IL18RAP: variants seen among roughly 807,000 people sequenced by gnomAD.
IL18RAP encodes the protein interleukin-18 receptor accessory protein.
A neutral mutation model predicts 58.1 loss-of-function variants in IL18RAP; 37 were observed. The ratio of observed to expected loss-of-function variants is 0.64; its 90% CI spans 0.49 to 0.84. The LOEUF (loss-of-function observed/expected upper bound fraction) is 0.84, where lower values mean the gene tolerates loss of function less well. IL18RAP is among the 40% of genes least tolerant of loss of function. The pLI is 0.00. For missense variants in IL18RAP, 667 were observed against 704.8 expected (o/e 0.95, Z 0.61); for synonymous variants, 268 against 257.5 (o/e 1.04, Z -0.39).
chr2:102,434,522 T>G (rs1241453586), intron 3 of IL18RAP: 1 of 152,194 alleles, frequency 6.6e-6, no homozygotes, highest in East Asian at 1.9e-4. Flanking sequence ...CAACATGGTA[T>G]GTTCTCCCTC....
intron 1 of IL18RAP, among the ~76,000 whole-genome samples, 183 bp from the exon 2 acceptor site, chr2:102,423,628 A>G (rs1681725085): frequency 6.6e-6 from 1 of 152,182 alleles, no homozygotes; most frequent in Admixed American, 6.5e-5. Flanking sequence ...TGCTGCTGGT[A>G]TGCTGGAGTC....
At chr2:102,426,110 C>A (rs1681920741) in intron 3 of IL18RAP, among the ~76,000 whole-genome samples, 2 of 152,060 alleles carry the variant, frequency 1.3e-5, no homozygotes, top group Non-Finnish European at 2.9e-5. Flanking sequence ...AAATCACAGA[C>A]CTTATGGCAG....
intron 3 of IL18RAP, among the ~76,000 whole-genome samples, chr2:102,429,050 C>T (rs1203539824): frequency 6.6e-6 from 1 of 151,776 alleles, no homozygotes; most frequent in African/African-American, 2.4e-5. Flanking sequence ...GGGATAAATC[C>T]CACTTGACCA....
chr2:102,447,845 C>A (rs976189816), intron 8 of IL18RAP, among the ~76,000 whole-genome samples: 1 of 152,110 alleles, frequency 6.6e-6, no homozygotes. Context: ...ATTCTCCTAC[C>A]TCAGCCTCCT....
chr2:102,444,991 C>T (rs546985906), intron 6 of IL18RAP, among the ~76,000 whole-genome samples, 198 bp from the exon 7 acceptor site: 3 of 152,142 alleles, frequency 2.0e-5, no homozygotes, highest in South Asian at 2.1e-4. Flanking sequence ...AATGTCTTAG[C>T]GTGAATGCTT....
intron 3 of IL18RAP, among the ~76,000 whole-genome samples, chr2:102,426,012 A>T (rs963831201): frequency 5.9e-5 from 9 of 152,146 alleles, no homozygotes; most frequent in Non-Finnish European, 1.3e-4. Flanking sequence ...TCTGATACAG[A>T]TTTGGACAGG....
chr2:102,429,636 T>A (rs200735365), intron 3 of IL18RAP, among the ~76,000 whole-genome samples: 2 of 151,136 alleles, frequency 1.3e-5, no homozygotes. Flanking sequence ...TTACCCTTTT[T>A]CTAACATCTT....
chr2:102,440,628 G>A lies in IL18RAP; in HGVS notation c.731-684G>A, dbSNP rs373019353. ...TGATGAGAAGAAGCCCAGAGAAAGC[G>A]AGAGAGAGAGAGGGAGAGAGAGACA... is the stretch of plus-strand genomic sequence containing the variant. On this transcript the variant is annotated intron_variant, in intron 4 of 9. Coordinates refer to ENST00000687160, the MANE Select transcript of IL18RAP (RefSeq NM_001393487.1). Among the ~76,000 whole-genome samples the A allele has an allele frequency of 1.1e-4, 17 of 149,834 alleles. 1 individual carries two copies. Among genetic ancestry groups the A allele is most frequent in the African/African-American group, 3.9e-4 (16 of 40,848 alleles).
At position 102,447,115 on chromosome 2, in the gene IL18RAP, C is replaced by T; in HGVS notation, c.1118C>T (p.Ala373Val). The T allele has an allele frequency of 6.2e-7, 1 of 1,614,114 alleles. No individual in the cohort carries two copies. The highest frequency in any genetic ancestry group is 8.5e-7 in the Non-Finnish European group (1 of 1,180,004). ...ILLGTIGTLV[A>V]VLAASALLYR... Reference sequence around the variant, plus strand: ...CTTGGCACCATCGGGACCCTGGTGGCCGTGCTGGCGGCGAGTGCCCTCCTC... The same window carrying T: ...CTTGGCACCATCGGGACCCTGGTGGTCGTGCTGGCGGCGAGTGCCCTCCTC... The change falls in exon 8 of 10, where the codon GCC (alanine) becomes GTC (valine). Residue 373 changes from alanine to valine, a missense_variant. Coordinates refer to ENST00000687160, the MANE Select transcript of IL18RAP (RefSeq NM_001393487.1).
intron 7 of IL18RAP, among the ~76,000 whole-genome samples, chr2:102,446,420 C>T (rs6734736): frequency 0.78 from 118,086 of 152,044 alleles, 46,902 homozygotes; most frequent in African/African-American, 0.9. Flanking sequence ...GTGTACACTA[C>T]ACCCGTTGTG....
intron 3 of IL18RAP, among the ~76,000 whole-genome samples, chr2:102,428,751 G>C (rs1422435955): frequency 6.6e-6 from 1 of 151,870 alleles, no homozygotes. Flanking sequence ...GATGAAACGA[G>C]GTAGTAAGAG....
At chr2:102,423,145 T>C, upstream of IL18RAP, 1 of 902,888 alleles carries the variant, frequency 1.1e-6, no homozygotes, top group Non-Finnish European at 1.8e-6. Context: ...TCACTGGTTC[T>C]GACTTCTTCA....
At chr2:102,445,362 G>A (rs765812475) in intron 7 of IL18RAP, 22 bp downstream of exon 7, 1 of 1,610,902 alleles carries the variant, frequency 6.2e-7, no homozygotes, top group Non-Finnish European at 8.5e-7. Flanking sequence ...AGGTTGCCCA[G>A]GAGGCATGAA....
chr2:102,437,095 T>A (rs1279021512), intron 3 of IL18RAP, 117 bp from the exon 4 acceptor site: 3 of 866,310 alleles, frequency 3.5e-6, no homozygotes, highest in Non-Finnish European at 5.3e-6. Context: ...TGAGATACCC[T>A]TATCTCAGAT....
At chr2:102,425,146 C>A (rs1165841885) in intron 3 of IL18RAP, among the ~76,000 whole-genome samples, 2 of 152,210 alleles carry the variant, frequency 1.3e-5, no homozygotes, top group Non-Finnish European at 2.9e-5. Flanking sequence ...GAATCTAAAT[C>A]ACTTCCTACA....
At chr2:102,432,424 C>G (rs1682435177) in intron 3 of IL18RAP, 1 of 154,446 alleles carries the variant, frequency 6.5e-6, no homozygotes. Flanking sequence ...GCTTAATTAA[C>G]TAAAAGGGCA....
At chr2:102,438,052 A>G (rs1682864915) in intron 4 of IL18RAP, among the ~76,000 whole-genome samples, 2 of 151,966 alleles carry the variant, frequency 1.3e-5, no homozygotes, top group African/African-American at 4.8e-5. Flanking sequence ...CTTTGTTTTT[A>G]TTTGTTTCTT....
chr2:102,452,075 A>T lies in IL18RAP; in HGVS notation c.1694A>T (p.Gln565Leu), dbSNP rs1436719290. 1 of 1,614,026 alleles carries T rather than the reference A, an allele frequency of 6.2e-7. No homozygotes were observed. The highest frequency in any genetic ancestry group is 8.5e-7 in the Non-Finnish European group (1 of 1,180,030). ...TACCACATGCCTGTGAAAAACTCTC[A>T]GGGATTCACGTGGAACCAGCTCAGA... ...MRYHMPVKNS[Q>L]GFTWNQLRIT... The change falls in exon 10 of 10, where the codon CAG becomes CTG. Residue 565 changes from glutamine (Q) to leucine (L), a missense_variant. Physicochemically the swap from Gln to Leu is moderately radical, Grantham distance 113 (BLOSUM62 -2). Coordinates refer to ENST00000687160, the MANE Select transcript of IL18RAP (RefSeq NM_001393487.1).
At chr2:102,440,849 G>T (rs1280720482) in intron 4 of IL18RAP, among the ~76,000 whole-genome samples, 1 of 152,158 alleles carries the variant, frequency 6.6e-6, no homozygotes, top group East Asian at 1.9e-4. Flanking sequence ...GGATAAAATT[G>T]TTAATTAAGG....
Sources: gnomAD v4.1 joint callset for allele counts (sites outside exome capture counted in the v4.1 genomes callset) on GRCh38, gnomAD v4.1.1 for gene constraint, MANE v1.5 for transcripts, NCBI Gene and HGNC (gene_info 2026-07-23, HGNC 2026-07-21) for gene names.